The following NHEJ1 variants were observed in gnomAD, a reference collection of about 807,000 sequenced individuals.
The protein encoded by NHEJ1 is non-homologous end joining factor 1.
Under a neutral mutation model 39.4 loss-of-function variants are expected in NHEJ1, and 22 were observed. The observed-to-expected ratio is 0.56, with a 90% CI of 0.40 to 0.80. NHEJ1 has a LOEUF of 0.80. Ranked by LOEUF, NHEJ1 falls within the 30% of genes least tolerant of loss-of-function variation. The pLI, the probability that NHEJ1 is intolerant of heterozygous loss-of-function variation, is 0.00. For missense variants in NHEJ1, 329 were observed against 357.1 expected, an observed-to-expected ratio of 0.92 and a Z score of 0.63; for synonymous variants, 154 against 135.6, an observed-to-expected ratio of 1.14 and a Z score of -0.94.
At position 219,076,306 on chromosome 2, in the gene NHEJ1, C is replaced by T. The variant is rs768419040; in HGVS notation, c.*75G>A. The T allele has an allele frequency of 2.2e-5, 35 of 1,613,366 alleles. No homozygotes were observed. The highest frequency in any genetic ancestry group is 1.7e-4 in the African/African-American group (13 of 74,870). ...ATCACTATTTTAGAAATATTGCTGC[C>T]ATGTAAGCTTCTTTCAAGGTGAAGC... On this transcript the variant is annotated 3_prime_UTR_variant, in exon 8 of 8. Transcript: ENST00000356853.
chr2:219,148,889 T>A (rs550105365), intron 3 of NHEJ1, among the ~76,000 whole-genome samples: 2 of 143,698 alleles, frequency 1.4e-5, no homozygotes, highest in African/African-American at 5.3e-5. Flanking sequence ...CAACCCCCCC[T>A]TTTTTTTTTT....
At chr2:219,146,640 A>C (rs754599006) in intron 5 of NHEJ1, 40 bp downstream of exon 5, 1 of 1,512,318 alleles carries the variant, frequency 6.6e-7, no homozygotes, top group South Asian at 1.1e-5. Context: ...GGAAAGAGGA[A>C]GTAGGGCAAA....
chr2:219,134,682 C>G (rs927328426), intron 5 of NHEJ1, among the ~76,000 whole-genome samples: 2 of 152,170 alleles, frequency 1.3e-5, no homozygotes, highest in African/African-American at 2.4e-5. Flanking sequence ...TCGACCTGAG[C>G]TTCAACCCTA....
intron 3 of NHEJ1, among the ~76,000 whole-genome samples, chr2:219,148,032 G>T (rs1162235835): frequency 6.6e-6 from 1 of 152,238 alleles, no homozygotes; most frequent in Non-Finnish European, 1.5e-5. Flanking sequence ...GCCAGGGCGG[G>T]TGGGTCACTT....
chr2:219,129,196 A>G (rs920838661), intron 5 of NHEJ1, among the ~76,000 whole-genome samples: 5 of 152,248 alleles, frequency 3.3e-5, no homozygotes, highest in African/African-American at 1.2e-4. Flanking sequence ...GAATCCAGTT[A>G]TCATCAAGAC....
intron 6 of NHEJ1, 163 bp downstream of exon 6, chr2:219,077,926 A>T (rs1949028981): frequency 4.6e-6 from 3 of 646,764 alleles, no homozygotes; most frequent in Non-Finnish European, 8.3e-6. Flanking sequence ...AATCACTTGA[A>T]ATGTGGCTAC....
intron 5 of NHEJ1, among the ~76,000 whole-genome samples, chr2:219,109,682 GTGGGT>G (rs1348911951): frequency 6.6e-6 from 1 of 152,170 alleles, no homozygotes; most frequent in Non-Finnish European, 1.5e-5. Context: ...GCAAGGAGGC[GTGGGT>G]TGGGAGTATA....
chr2:219,103,821 C>A (rs1322038842), intron 5 of NHEJ1, among the ~76,000 whole-genome samples: 1 of 152,094 alleles, frequency 6.6e-6, no homozygotes, highest in East Asian at 1.9e-4. Flanking sequence ...CTAAGTAGAG[C>A]CAGGTTTCAA....
intron 5 of NHEJ1, among the ~76,000 whole-genome samples, chr2:219,101,259 CGCGT>C (rs1949257585): frequency 1.3e-5 from 2 of 151,996 alleles, no homozygotes; most frequent in African/African-American, 2.4e-5. Flanking sequence ...GGATTACAGG[CGCGT>C]ACCACCACAT....
intron 5 of NHEJ1, among the ~76,000 whole-genome samples, chr2:219,137,655 C>T (rs1273494424): frequency 1.4e-5 from 2 of 147,790 alleles, no homozygotes; most frequent in East Asian, 2.0e-4. Flanking sequence ...CATTTAAGGC[C>T]CCCACAATTT....
chr2:219,157,426 A>C, intron 3 of NHEJ1, 46 bp downstream of exon 3: 4 of 1,540,866 alleles, frequency 2.6e-6, no homozygotes, highest in Non-Finnish European at 9.0e-7. Flanking sequence ...TTCCTCTCAA[A>C]GCAACTGGCA....
chr2:219,090,747 T>G (rs1306896253), intron 5 of NHEJ1, among the ~76,000 whole-genome samples: 3 of 152,126 alleles, frequency 2.0e-5, no homozygotes, highest in African/African-American at 7.2e-5. Context: ...TTCCCACAAA[T>G]AGCCTACAAA....
intron 3 of NHEJ1, among the ~76,000 whole-genome samples, chr2:219,153,288 C>T (rs906954685): frequency 2.0e-5 from 3 of 152,088 alleles, no homozygotes; most frequent in Non-Finnish European, 4.4e-5. Context: ...AGTACTTATC[C>T]AAATTAATAC....
At chr2:219,137,425 TC>T (rs1949641734) in intron 5 of NHEJ1, among the ~76,000 whole-genome samples, 1 of 151,952 alleles carries the variant, frequency 6.6e-6, no homozygotes, top group African/African-American at 2.4e-5. Flanking sequence ...TTCAATGGCT[TC>T]CCACTATCTG....
At chr2:219,097,903 C>T (rs114945801) in intron 5 of NHEJ1, among the ~76,000 whole-genome samples, 4,087 of 152,160 alleles carry the variant, frequency 0.027, 92 homozygotes, top group Middle Eastern at 0.054. Flanking sequence ...AGAGGGCCAA[C>T]GACTGAGCCT....
Position 219,069,504 on chromosome 2 carries a change from A to G in NHEJ1, c.*6877T>C, listed in dbSNP as rs561556203. On this transcript the variant is annotated 3_prime_UTR_variant, in exon 8 of 8. Coordinates refer to ENST00000356853, the MANE Select transcript of NHEJ1 (RefSeq NM_024782.3). The stretch of plus-strand genomic sequence containing the variant: ...GGGTCATTCATCAAAGCCATTTTGA[A>G]GCAAGGACTGCTTAGTAGGAGCTGA... The G allele has an allele frequency of 6.6e-6, 1 of 152,354 alleles. No homozygotes were observed. The highest frequency in any genetic ancestry group is 2.1e-4 in the South Asian group (1 of 4,828). The allele number at this position is 152,354 out of a possible 1,614,324, so 9.4% of individuals were successfully genotyped here.
In NHEJ1 at chr2:219,073,845, T is replaced by G. The variant is rs1948987866; in HGVS notation, c.*2536A>C. ...AAACTAATATTTACGGAATAAAATT[T>G]ATGGAGCAGCCACGAGAATTCGACC... On this transcript the variant is annotated 3_prime_UTR_variant, in exon 8 of 8. Coordinates refer to ENST00000356853, the MANE Select transcript of NHEJ1 (RefSeq NM_024782.3). 1.3e-5 allele frequency among the ~76,000 whole-genome samples: 2 copies of G among 152,166 alleles called. No individual in the cohort carries two copies. Among genetic ancestry groups the G allele is most frequent in the Non-Finnish European group, 2.9e-5 (2 of 68,026 alleles).
intron 7 of NHEJ1, 139 bp from the exon 8 acceptor site, chr2:219,076,594 A>C: frequency 2.8e-6 from 2 of 721,578 alleles, no homozygotes; most frequent in Non-Finnish European, 4.3e-6. Flanking sequence ...CCCAGGCTGG[A>C]GTACATGGGC....
chr2:219,103,898 G>C (rs1411762826), intron 5 of NHEJ1, among the ~76,000 whole-genome samples: 1 of 152,218 alleles, frequency 6.6e-6, no homozygotes, highest in Non-Finnish European at 1.5e-5. Context: ...CAAAGAGCTA[G>C]CAAGTGGTAC....
Sources: allele counts gnomAD v4.1 joint callset (sites outside exome capture counted in the v4.1 genomes callset), GRCh38; gene constraint gnomAD v4.1.1; transcripts MANE v1.5; gene names NCBI Gene and HGNC (gene_info 2026-07-23, HGNC 2026-07-21).